BCKDHB: variants seen among roughly 807,000 people sequenced by gnomAD.
The protein encoded by BCKDHB is branched chain keto acid dehydrogenase E1 subunit beta, also known as 2-oxoisovalerate dehydrogenase subunit beta, mitochondrial.
Under a neutral mutation model 48.5 loss-of-function variants are expected in BCKDHB, and 41 were observed. The ratio of observed to expected loss-of-function variants is 0.85; its 90% confidence interval spans 0.66 to 1.10. BCKDHB has a LOEUF of 1.10. Among genes scored for constraint, BCKDHB ranks in the 50% least tolerant of loss-of-function variants. BCKDHB has a pLI of 0.00. For synonymous variants in BCKDHB, 201 were observed against 174.8 expected, an observed-to-expected ratio of 1.15 and a Z score of -1.18; for missense variants, 496 against 494.2, an observed-to-expected ratio of 1.00 and a Z score of -0.03.
chr6:80,275,624 T>C (rs373440692), intron 9 of BCKDHB, among the ~76,000 whole-genome samples: 3 of 152,076 alleles, frequency 2.0e-5, no homozygotes, highest in South Asian at 2.1e-4. Flanking sequence ...TTGCCTGTTA[T>C]GGCTTTTATC....
At chr6:80,263,634 T>C (rs970452471) in intron 8 of BCKDHB, among the ~76,000 whole-genome samples, 1 of 152,126 alleles carries the variant, frequency 6.6e-6, no homozygotes, top group Non-Finnish European at 1.5e-5. Flanking sequence ...TTTTAGAAAA[T>C]AGGACCATTT....
the BCKDHB span, among the ~76,000 whole-genome samples, chr6:80,396,991 T>C: frequency 6.6e-6 from 1 of 152,222 alleles, no homozygotes; most frequent in Non-Finnish European, 1.5e-5. Flanking sequence ...CAGTTGTGTA[T>C]GTTGTATCCT....
the BCKDHB span, among the ~76,000 whole-genome samples, chr6:80,410,336 C>A: frequency 6.6e-6 from 1 of 152,166 alleles, no homozygotes; most frequent in African/African-American, 2.4e-5. Context: ...TGATGGGCTT[C>A]CCTTTGTGGG....
At chr6:80,204,010 T>C (rs1471698764) in intron 8 of BCKDHB, among the ~76,000 whole-genome samples, 1 of 152,126 alleles carries the variant, frequency 6.6e-6, no homozygotes, top group Non-Finnish European at 1.5e-5. Context: ...ACAATAGATA[T>C]ATGTACGATT....
the BCKDHB span, among the ~76,000 whole-genome samples, chr6:80,426,574 T>G: frequency 6.6e-6 from 1 of 152,136 alleles, no homozygotes; most frequent in Admixed American, 6.6e-5. Context: ...GATGTCTTCT[T>G]TGACCCATGG....
At chr6:80,166,471 C>A (rs1772574178) in intron 3 of BCKDHB, among the ~76,000 whole-genome samples, 1 of 152,004 alleles carries the variant, frequency 6.6e-6, no homozygotes, top group South Asian at 2.1e-4. Context: ...GCCTGGCCAA[C>A]ATGGTGAAAC....
chr6:80,364,625 G>T, the BCKDHB span, among the ~76,000 whole-genome samples: 1 of 152,150 alleles, frequency 6.6e-6, no homozygotes, highest in Non-Finnish European at 1.5e-5. Context: ...TGACACCAAA[G>T]AGTAAAACTA....
intron 8 of BCKDHB, among the ~76,000 whole-genome samples, chr6:80,255,505 G>GA (rs1385398238): frequency 3.3e-5 from 5 of 151,588 alleles, no homozygotes; most frequent in South Asian, 2.1e-4. Context: ...GAAAAGAAGG[G>GA]AAAAAAAAGA....
the BCKDHB span, among the ~76,000 whole-genome samples, chr6:80,421,876 C>T: frequency 6.6e-6 from 1 of 152,124 alleles, no homozygotes; most frequent in Non-Finnish European, 1.5e-5. Flanking sequence ...GAAAACAGAA[C>T]ATAAATGTTT....
At chr6:80,314,639 A>G (rs1034968084) in intron 9 of BCKDHB, among the ~76,000 whole-genome samples, 2 of 152,136 alleles carry the variant, frequency 1.3e-5, no homozygotes, top group African/African-American at 4.8e-5. Flanking sequence ...CATGCTGTGG[A>G]ACCACTTTTG....
intron 3 of BCKDHB, among the ~76,000 whole-genome samples, chr6:80,156,318 A>G (rs962048753): frequency 1.3e-5 from 2 of 151,960 alleles, no homozygotes; most frequent in Non-Finnish European, 2.9e-5. Context: ...AAGGCCAACT[A>G]CTTCATATTA....
At chr6:80,330,947 T>C (rs528502972) in intron 9 of BCKDHB, among the ~76,000 whole-genome samples, 1 of 152,236 alleles carries the variant, frequency 6.6e-6, no homozygotes, top group Non-Finnish European at 1.5e-5. Flanking sequence ...GATTTTGCTA[T>C]TTTTGCATTT....
At chr6:80,446,720 A>ATTTTTT in the BCKDHB span, among the ~76,000 whole-genome samples, 9 of 111,360 alleles carry the variant, frequency 8.1e-5, no homozygotes, top group East Asian at 6.3e-4. Flanking sequence ...CTTCTGGACA[A>ATTTTTT]TTTTTTTTTT....
intron 6 of BCKDHB, among the ~76,000 whole-genome samples, chr6:80,197,742 G>A (rs1022688758): frequency 6.6e-6 from 1 of 152,186 alleles, no homozygotes; most frequent in Non-Finnish European, 1.5e-5. Context: ...TGCTGCCAGG[G>A]GAAAGACTTG....
At chr6:80,142,959 A>C (rs1470987575) in intron 3 of BCKDHB, among the ~76,000 whole-genome samples, 2 of 152,136 alleles carry the variant, frequency 1.3e-5, no homozygotes, top group East Asian at 3.8e-4. Flanking sequence ...ATTTCTACCA[A>C]ATTTCTCAAA....
intron 9 of BCKDHB, among the ~76,000 whole-genome samples, chr6:80,278,457 A>AG (rs1442299021): frequency 7.2e-5 from 11 of 152,262 alleles, no homozygotes; most frequent in African/African-American, 2.6e-4. Context: ...TTTGTAGTTA[A>AG]ATCCATGTTA....
At chr6:80,254,498 C>T (rs940558928) in intron 8 of BCKDHB, among the ~76,000 whole-genome samples, 2 of 151,898 alleles carry the variant, frequency 1.3e-5, no homozygotes, top group East Asian at 1.9e-4. Context: ...GGGTTCAAGA[C>T]CAGCCCAGGC....
At chr6:80,379,089 C>G in the BCKDHB span, among the ~76,000 whole-genome samples, 1 of 151,962 alleles carries the variant, frequency 6.6e-6, no homozygotes, top group African/African-American at 2.4e-5. Context: ...CTAACTCATT[C>G]TATAAATCCG....
At chr6:80,169,142 A>G in intron 5 of BCKDHB, 112 bp downstream of exon 5, 1 of 1,392,518 alleles carries the variant, frequency 7.2e-7, no homozygotes, top group Admixed American at 1.8e-5. Context: ...GATTCTTGGA[A>G]TTTATGTGAA....
Sources: gnomAD v4.1 joint callset for allele counts (sites outside exome capture counted in the v4.1 genomes callset) on GRCh38, gnomAD v4.1.1 for gene constraint, MANE v1.5 for transcripts, NCBI Gene and HGNC (gene_info 2026-07-23, HGNC 2026-07-21) for gene names.